Variants in CACNA1E observed in about 807,000 individuals in gnomAD.
CACNA1E encodes calcium voltage-gated channel subunit alpha1 E.
Under a neutral mutation model 259.2 loss-of-function variants are expected in CACNA1E, and 40 were observed. The observed-to-expected ratio is 0.15, with a 90% CI of 0.12 to 0.20. The LOEUF (loss-of-function observed/expected upper bound fraction) is 0.20, where lower values mean the gene tolerates loss of function less well. CACNA1E is among the 10% of genes least tolerant of loss of function. The pLI, the probability that CACNA1E is intolerant of heterozygous loss-of-function variation, is 1.00. For missense variants in CACNA1E, 1,874 were observed against 3,040.1 expected, an observed-to-expected ratio of 0.62 and a Z score of 9.02; for synonymous variants, 1,104 against 1,138.5, an observed-to-expected ratio of 0.97 and a Z score of 0.61.
At chr1:181,740,597 C>T (rs1281297873) in intron 25 of CACNA1E, among the ~76,000 whole-genome samples, 1 of 152,044 alleles carries the variant, frequency 6.6e-6, no homozygotes, top group Non-Finnish European at 1.5e-5. Context: ...AGTGTAGGAT[C>T]TCCCAGACCC....
chr1:181,656,941 A>G (rs777390245), intron 7 of CACNA1E, among the ~76,000 whole-genome samples: 1 of 152,216 alleles, frequency 6.6e-6, no homozygotes, highest in Non-Finnish European at 1.5e-5. Flanking sequence ...GTAGTAGGCT[A>G]TACCATCTAG....
chr1:181,389,770 A>G (rs978783446), intron 1 of CACNA1E, among the ~76,000 whole-genome samples: 1 of 152,170 alleles, frequency 6.6e-6, no homozygotes, highest in African/African-American at 2.4e-5. Flanking sequence ...GCACTTGCAA[A>G]TCTTTGTTAC....
At position 181,763,245 on chromosome 1, in the gene CACNA1E, A is replaced by G. The variant is rs377264578; in HGVS notation, c.4690-161A>G. On this transcript the variant is annotated intron_variant, in intron 33 of 47. Coordinates refer to ENST00000367573, the MANE Select transcript of CACNA1E (RefSeq NM_001205293.3). ...GAGCAGGCATGGGAAGGCTTAGGAG[A>G]TGGGCCTCACTGGCCAGCCCATCAG... is the stretch of plus-strand genomic sequence containing the variant. Among the ~76,000 whole-genome samples the G allele has an allele frequency of 2.6e-5, 4 of 152,246 alleles. No homozygotes were observed. In the East Asian group the frequency reaches 7.7e-4, roughly 29 times the overall value.
chr1:181,470,860 C>T (rs1300728688), intron 2 of CACNA1E, among the ~76,000 whole-genome samples: 2 of 152,274 alleles, frequency 1.3e-5, no homozygotes, highest in South Asian at 2.1e-4. Context: ...TCTTAAGTTC[C>T]AGGCTACAAT....
intron 1 of CACNA1E, among the ~76,000 whole-genome samples, chr1:181,385,730 ACTTC>A (rs1655794730): frequency 7.3e-6 from 1 of 137,240 alleles, no homozygotes; most frequent in Non-Finnish European, 1.6e-5. Flanking sequence ...TCCCTACTCC[ACTTC>A]CTTCCTTTCC....
At position 181,758,269 on chromosome 1, in the gene CACNA1E, C is replaced by G. The variant is rs1376224173; in HGVS notation, c.4494+158C>G. Among the ~76,000 whole-genome samples, 2 of 152,190 alleles carry G rather than the reference C, an allele frequency of 1.3e-5. No individual in the cohort carries two copies. Among genetic ancestry groups the G allele is most frequent in the African/African-American group, 4.8e-5 (2 of 41,438 alleles). ...CTTATTTTGTTCAATAACCCAACCT[C>G]TGGGGCTTTGGGGGTCCACTGAGCA... On this transcript the variant is annotated intron_variant, in intron 31 of 47. Transcript: ENST00000367573. This position sits in a 1 kb window ranked among gnomAD's most constrained non-coding sequence, Gnocchi z 4.2.
At chr1:181,738,603 C>T (rs544230840) in intron 24 of CACNA1E, among the ~76,000 whole-genome samples, 177 bp downstream of exon 24, 16 of 152,292 alleles carry the variant, frequency 1.1e-4, no homozygotes, top group African/African-American at 3.1e-4. Flanking sequence ...CAGCAAGACA[C>T]GGCTGCGTGG....
chr1:181,762,031 A>G (rs1263038673), intron 32 of CACNA1E, among the ~76,000 whole-genome samples: 1 of 152,218 alleles, frequency 6.6e-6, no homozygotes, highest in Non-Finnish European at 1.5e-5. Flanking sequence ...TTTTTGGCAC[A>G]TCTGTAACCT....
chr1:181,422,045 C>A (rs1393134965), intron 2 of CACNA1E, among the ~76,000 whole-genome samples: 1 of 152,228 alleles, frequency 6.6e-6, no homozygotes, highest in African/African-American at 2.4e-5. Flanking sequence ...TATGTCTCTA[C>A]CCTGGCTCCT....
intron 7 of CACNA1E, among the ~76,000 whole-genome samples, chr1:181,683,426 G>A (rs1415936401): frequency 1.3e-5 from 2 of 152,138 alleles, no homozygotes; most frequent in African/African-American, 4.8e-5. Flanking sequence ...TTTAAGATCA[G>A]ATTTTATTTC....
At chr1:181,678,896 A>G (rs964807531) in intron 7 of CACNA1E, among the ~76,000 whole-genome samples, 3 of 152,238 alleles carry the variant, frequency 2.0e-5, no homozygotes, top group Non-Finnish European at 4.4e-5. Context: ...CATAACTATT[A>G]AGAACCTCTT....
intron 6 of CACNA1E, among the ~76,000 whole-genome samples, chr1:181,602,690 A>G (rs1360769589): frequency 1.3e-5 from 2 of 152,126 alleles, no homozygotes; most frequent in Admixed American, 6.5e-5. Flanking sequence ...AGATGGTTGG[A>G]TGCCATTAGG....
chr1:181,376,118 A>C (rs1449253283), intron 1 of CACNA1E, among the ~76,000 whole-genome samples: 1 of 152,166 alleles, frequency 6.6e-6, no homozygotes. Flanking sequence ...ATATTTTTTA[A>C]GTGAATGGAG....
chr1:181,796,461 G>A (rs1254491817), intron 46 of CACNA1E, among the ~76,000 whole-genome samples: 4 of 152,102 alleles, frequency 2.6e-5, no homozygotes, highest in Non-Finnish European at 5.9e-5. Context: ...TCATCATGGA[G>A]GCCCCACCCT....
chr1:181,721,710 T>G, intron 15 of CACNA1E, 48 bp from the exon 16 acceptor site: 1 of 1,271,964 alleles, frequency 7.9e-7, no homozygotes, highest in Non-Finnish European at 1.1e-6. Flanking sequence ...GGCCCCATTT[T>G]CTCCTCCAGC....
intron 1 of CACNA1E, among the ~76,000 whole-genome samples, chr1:181,367,581 A>G (rs1244877256): frequency 4.3e-5 from 6 of 139,508 alleles, no homozygotes; most frequent in Non-Finnish European, 7.8e-5. Flanking sequence ...ATAATACTAT[A>G]ATATATAATA....
intron 1 of CACNA1E, among the ~76,000 whole-genome samples, chr1:181,404,147 A>G (rs1657298782): frequency 6.6e-6 from 1 of 152,192 alleles, no homozygotes; most frequent in Non-Finnish European, 1.5e-5. Flanking sequence ...AGAACCTGCT[A>G]TGGAGCTGGA....
At chr1:181,361,042 C>T (rs984673960) in intron 1 of CACNA1E, among the ~76,000 whole-genome samples, 9 of 152,176 alleles carry the variant, frequency 5.9e-5, no homozygotes, top group African/African-American at 2.2e-4. Flanking sequence ...CATCTTTCCA[C>T]TCCTTGCTTC....
intron 6 of CACNA1E, among the ~76,000 whole-genome samples, chr1:181,616,997 C>G (rs578096489): frequency 6.6e-6 from 1 of 152,264 alleles, no homozygotes; most frequent in South Asian, 2.1e-4. Flanking sequence ...TTAAAACATT[C>G]ATAGGATCTG....
Sources: gnomAD v4.1 joint callset for allele counts (sites outside exome capture counted in the v4.1 genomes callset) on GRCh38, gnomAD v4.1.1 for gene constraint, Gnocchi (gnomAD v3.1) non-coding constraint, MANE v1.5 for transcripts, NCBI Gene and HGNC (gene_info 2026-07-23, HGNC 2026-07-21) for gene names.